The following RHOBTB3 variants were observed in gnomAD, a reference collection of about 807,000 sequenced individuals.
RHOBTB3 encodes the protein rho-related BTB domain-containing protein 3.
RHOBTB3 carries 47 observed loss-of-function variants against 67.2 expected under a neutral mutation model. The observed-to-expected ratio is 0.70, with a 90% CI of 0.55 to 0.89. The LOEUF is 0.89. Ranked by LOEUF, RHOBTB3 falls within the 40% of genes least tolerant of loss-of-function variation. The probability of loss-of-function intolerance (pLI) is 0.00; values close to 1 mark genes in which losing one functional copy is unlikely to be tolerated. For synonymous variants in RHOBTB3, 273 were observed against 274.2 expected, an observed-to-expected ratio of 1.00 and a Z score of 0.04; for missense variants, 631 against 750.0, an observed-to-expected ratio of 0.84 and a Z score of 1.85.
rs903522187 is a variant in RHOBTB3 at position 95,793,942 on chromosome 5, C to T, written c.*768C>T. On this transcript the variant is annotated 3_prime_UTR_variant, in exon 12 of 12. Transcript: ENST00000379982. ...CCCCATGATTTCATTTTGTGCTGAG[C>T]CCTCAAAATTATGTCTGTTTCGTGG... 9 of 452,642 alleles carry T rather than the reference C, an allele frequency of 2.0e-5. No individual in the cohort carries two copies. The highest frequency in any genetic ancestry group is 8.0e-5 in the African/African-American group (4 of 49,766). 28.0% of individuals were successfully genotyped at this position (452,642 alleles called of 1,614,324 possible). A position where few individuals can be genotyped will look rare whatever the true frequency, so the allele number is the denominator to read the frequency against.
At chr5:95,743,445 T>C (rs891659923) in intron 3 of RHOBTB3, among the ~76,000 whole-genome samples, 13 of 152,018 alleles carry the variant, frequency 8.6e-5, no homozygotes, top group African/African-American at 3.1e-4. Context: ...CCTGCATTGT[T>C]GAGCAGGGAG....
At chr5:95,732,151 C>T (rs766527170) in intron 2 of RHOBTB3, 67 bp downstream of exon 2, 3 of 1,414,116 alleles carry the variant, frequency 2.1e-6, no homozygotes, top group South Asian at 2.4e-5. Context: ...TTCCCCCTCC[C>T]CCTTCTGCCC....
rs903512289 is a variant in RHOBTB3 at position 95,794,229 on chromosome 5, G to A, written c.*1055G>A. On this transcript the variant is annotated 3_prime_UTR_variant, in exon 12 of 12. Coordinates refer to ENST00000379982, the MANE Select transcript of RHOBTB3 (RefSeq NM_014899.4). ...GAACAAATACTTTCTTGATCATTCT[G>A]TAAGACCAGGAGGTTGGTAAGAGTG... is the stretch of plus-strand genomic sequence containing the variant. 7.9e-5 allele frequency: 23 copies of A among 292,124 alleles called. No homozygotes were observed. Among genetic ancestry groups the A allele is most frequent in the Non-Finnish European group, 6.1e-5 (9 of 146,472 alleles). 18.1% of individuals were successfully genotyped at this position (292,124 alleles called of 1,614,324 possible). A position where few individuals can be genotyped will look rare whatever the true frequency, so the allele number is the denominator to read the frequency against.
intron 7 of RHOBTB3, among the ~76,000 whole-genome samples, chr5:95,764,358 T>C (rs1375561643): frequency 1.3e-5 from 2 of 152,186 alleles, no homozygotes; most frequent in African/African-American, 4.8e-5. Context: ...ATGTCCCTTT[T>C]TCAAGTGTTC....
chr5:95,745,122 G>A (rs868170612), intron 3 of RHOBTB3, among the ~76,000 whole-genome samples: 5 of 152,006 alleles, frequency 3.3e-5, no homozygotes. Context: ...AAAAAATGGA[G>A]ATGGGATCTC....
At chr5:95,745,725 T>C (rs1744881067) in intron 3 of RHOBTB3, among the ~76,000 whole-genome samples, 1 of 152,164 alleles carries the variant, frequency 6.6e-6, no homozygotes, top group African/African-American at 2.4e-5. Context: ...TAGCTAGAAG[T>C]GTAGCACTCA....
At chr5:95,789,039 G>C in intron 11 of RHOBTB3, 181 bp downstream of exon 11, 1 of 500,872 alleles carries the variant, frequency 2.0e-6, no homozygotes, top group Non-Finnish European at 3.4e-6. Flanking sequence ...TTACATAAGT[G>C]CCTTAACCTG....
At chr5:95,723,372 A>G (rs1452051188) in intron 1 of RHOBTB3, among the ~76,000 whole-genome samples, 2 of 152,198 alleles carry the variant, frequency 1.3e-5, no homozygotes, top group Non-Finnish European at 2.9e-5. Flanking sequence ...TTGCAATTTA[A>G]AAGAAATTGA....
At chr5:95,748,015 A>G (rs1237468239) in intron 3 of RHOBTB3, among the ~76,000 whole-genome samples, 1 of 152,238 alleles carries the variant, frequency 6.6e-6, no homozygotes, top group African/African-American at 2.4e-5. Context: ...CTGGCCTAGA[A>G]ATACTGATAT....
chr5:95,733,836 G>A (rs938996417), intron 2 of RHOBTB3, among the ~76,000 whole-genome samples: 1 of 152,292 alleles, frequency 6.6e-6, no homozygotes, highest in East Asian at 1.9e-4. Flanking sequence ...GTTATTTGAC[G>A]TATGTACGGA....
In RHOBTB3 at chr5:95,746,728, A is replaced by G. The variant is rs75057797; in HGVS notation, c.416-1605A>G. 2.1e-3 allele frequency among the ~76,000 whole-genome samples: 319 copies of G among 152,302 alleles called. 20 individuals are homozygous for G. The East Asian group carries it at 0.057, about 27-fold the overall frequency. ...ATGATTGCTTCTCTATCTCTAACCC[A>G]CAAAGAGACTTGGAAAAGCCACATA... On this transcript the variant is annotated intron_variant, in intron 3 of 11. Coordinates refer to ENST00000379982, the MANE Select transcript of RHOBTB3 (RefSeq NM_014899.4).
At chr5:95,740,313 T>A (rs1488593280) in intron 3 of RHOBTB3, among the ~76,000 whole-genome samples, 2 of 152,214 alleles carry the variant, frequency 1.3e-5, no homozygotes, top group African/African-American at 4.8e-5. Flanking sequence ...TGATATTTTC[T>A]ATAGAGATGA....
chr5:95,778,145 C>A (rs192270659), intron 8 of RHOBTB3, among the ~76,000 whole-genome samples: 1 of 151,982 alleles, frequency 6.6e-6, no homozygotes, highest in Non-Finnish European at 1.5e-5. Flanking sequence ...ACAGTTGTTC[C>A]TTAATGTCCA....
Position 95,795,588 on chromosome 5 carries a change from G to A in RHOBTB3, c.*2414G>A, listed in dbSNP as rs6815. The A allele has an allele frequency of 0.19, 28,772 of 152,200 alleles. 2,768 individuals carry two copies. The highest frequency in any genetic ancestry group is 0.25 in the South Asian group (1,189 of 4,828). The allele number at this position is 152,200 out of a possible 1,614,324, so 9.4% of individuals were successfully genotyped here. A position where few individuals can be genotyped will look rare whatever the true frequency, so the allele number is the denominator to read the frequency against. On this transcript the variant is annotated 3_prime_UTR_variant, in exon 12 of 12. Coordinates refer to ENST00000379982, the MANE Select transcript of RHOBTB3 (RefSeq NM_014899.4). ...GTTTGGAAGCTGGTGCCCAGTTGGT[G>A]TGGAGTGTGTAGTTTTGTTATGAAA...
At chr5:95,752,075 A>C (rs1745106484) in intron 4 of RHOBTB3, among the ~76,000 whole-genome samples, 164 bp from the exon 5 acceptor site, 1 of 152,246 alleles carries the variant, frequency 6.6e-6, no homozygotes, top group African/African-American at 2.4e-5. Context: ...GCTCCACTCG[A>C]TTCATTTTTT....
intron 11 of RHOBTB3, 112 bp downstream of exon 11, chr5:95,788,970 T>G (rs1342895047): frequency 1.5e-6 from 1 of 649,524 alleles, no homozygotes; most frequent in Non-Finnish European, 2.5e-6. Flanking sequence ...GTCAATGTAA[T>G]AAATTTCTTG....
chr5:95,721,047 C>T (rs185579850), intron 1 of RHOBTB3, among the ~76,000 whole-genome samples: 56 of 152,220 alleles, frequency 3.7e-4, no homozygotes, highest in Middle Eastern at 3.4e-3. Context: ...TAATTTTACC[C>T]GGTGGTAATT....
intron 3 of RHOBTB3, among the ~76,000 whole-genome samples, chr5:95,747,200 T>C (rs1306180947): frequency 6.6e-6 from 1 of 152,158 alleles, no homozygotes; most frequent in Non-Finnish European, 1.5e-5. Context: ...AGGATACAGC[T>C]CAGCTACCTC....
At chr5:95,752,112 T>G in intron 4 of RHOBTB3, 127 bp from the exon 5 acceptor site, 1 of 602,822 alleles carries the variant, frequency 1.7e-6, no homozygotes, top group Middle Eastern at 4.1e-4. Flanking sequence ...TATATGTGTT[T>G]GCTAATGCAT....
Sources: gnomAD v4.1 joint callset for allele counts (sites outside exome capture counted in the v4.1 genomes callset) on GRCh38, gnomAD v4.1.1 for gene constraint, MANE v1.5 for transcripts, NCBI Gene and HGNC (gene_info 2026-07-23, HGNC 2026-07-21) for gene names.